The following CAMTA1 variants were observed in gnomAD, a reference collection of about 807,000 sequenced individuals.
CAMTA1 encodes calmodulin-binding transcription activator 1.
In CAMTA1, 27 loss-of-function variants were observed where a neutral mutation model predicts 170.9. That is an observed-to-expected ratio of 0.16 (90% confidence interval 0.12 to 0.22). CAMTA1 has a LOEUF of 0.22. Among genes scored for constraint, CAMTA1 ranks in the 10% least tolerant of loss-of-function variants. The pLI is 1.00. For missense variants in CAMTA1, 1,619 were observed against 2,217.2 expected (o/e 0.73, Z 5.42); for synonymous variants, 833 against 891.5 (o/e 0.93, Z 1.17).
At chr1:7,106,498 C>G (rs1247361007) in intron 4 of CAMTA1, among the ~76,000 whole-genome samples, 1 of 152,178 alleles carries the variant, frequency 6.6e-6, no homozygotes, top group East Asian at 1.9e-4. Flanking sequence ...TACCCAAGGT[C>G]ACTTCAGCTA....
chr1:7,305,662 G>A (rs1245005843), intron 5 of CAMTA1, among the ~76,000 whole-genome samples: 1 of 151,990 alleles, frequency 6.6e-6, no homozygotes, highest in Non-Finnish European at 1.5e-5. Flanking sequence ...ATAAGTTTGG[G>A]ATGATCATGA....
In CAMTA1 at chr1:7,619,564, A is replaced by G. The variant is rs575886310; in HGVS notation, c.511-20836A>G. On this transcript the variant is annotated intron_variant, in intron 6 of 22. Coordinates refer to ENST00000303635, the MANE Select transcript of CAMTA1 (RefSeq NM_015215.4). ...ACCCATTCCTAAATATTCCCTTATG[A>G]GGAAGATGGGAGAATAATTGGCCAA... Among the ~76,000 whole-genome samples, 5 of 152,306 alleles carry G rather than the reference A, an allele frequency of 3.3e-5. No individual in the cohort carries two copies. In the South Asian group the frequency reaches 1.0e-3, roughly 32 times the overall value.
chr1:7,386,097 G>A lies in CAMTA1; in HGVS notation c.439-81733G>A, dbSNP rs147898158. The stretch of plus-strand genomic sequence containing the variant: ...GAAGTCTGGCTTCACAGGGACCATT[G>A]TCAGGCAGAGACACATGCGCACAGC... On this transcript the variant is annotated intron_variant, in intron 5 of 22. Coordinates refer to ENST00000303635, the MANE Select transcript of CAMTA1 (RefSeq NM_015215.4). Among the ~76,000 whole-genome samples the A allele has an allele frequency of 3.7e-4, 57 of 152,326 alleles. No individual in the cohort carries two copies. The East Asian group carries it at 4.1e-3, about 11-fold the overall frequency.
Position 7,064,815 on chromosome 1 carries a change from T to G in CAMTA1, c.235-26489T>G, listed in dbSNP as rs972272913. On this transcript the variant is annotated intron_variant, in intron 3 of 22. Coordinates refer to ENST00000303635, the MANE Select transcript of CAMTA1 (RefSeq NM_015215.4). This position sits in a 1 kb window ranked among gnomAD's most constrained non-coding sequence, Gnocchi z 5.4. ...GAGGACAGAGGAGTCCATGGATGTATTCTGAGGTCCTGTTGGTCTAGGAGC... is the reference window on the plus strand; with the variant it reads ...GAGGACAGAGGAGTCCATGGATGTAGTCTGAGGTCCTGTTGGTCTAGGAGC... Among the ~76,000 whole-genome samples the G allele has an allele frequency of 6.6e-6, 1 of 152,006 alleles. No homozygotes were observed.
At chr1:7,250,946 C>T (rs1036651346) in intron 5 of CAMTA1, among the ~76,000 whole-genome samples, 2 of 152,198 alleles carry the variant, frequency 1.3e-5, no homozygotes, top group Non-Finnish European at 2.9e-5. Context: ...AGGCATTAGC[C>T]ATCATCGCAG....
intron 6 of CAMTA1, among the ~76,000 whole-genome samples, chr1:7,631,464 G>A (rs934219761): frequency 2.0e-5 from 3 of 152,202 alleles, no homozygotes; most frequent in Admixed American, 2.0e-4. Context: ...AATACCACTT[G>A]CACCTGTGGG....
rs141193119 is a variant in CAMTA1, at chr1:7,663,873, C to G, written c.1326C>G (p.Phe442Leu). 3.1e-6 allele frequency: 5 copies of G among 1,614,000 alleles called. No homozygotes were observed. In the East Asian group the frequency reaches 1.1e-4, roughly 36 times the overall value. The change falls in exon 9 of 23, where the codon TTC (phenylalanine) becomes TTG (leucine). Residue 442 changes from phenylalanine (F) to leucine (L), a missense_variant. By Grantham distance (22) the Phe-to-Leu change is conservative. Coordinates refer to ENST00000303635, the MANE Select transcript of CAMTA1 (RefSeq NM_015215.4). ...CCGTGAGCTCTGATGGCCACAAGTT[C>G]GCCTTTCCCACCACGGGCAGCTCGG... ...VLAVSSDGHK[F>L]AFPTTGSSES...
At position 7,738,058 on chromosome 1, in the gene CAMTA1, T is replaced by TC; in HGVS notation, c.3760dup (p.Gln1254ProfsTer25). 6.2e-7 allele frequency: 1 copy of TC among 1,614,162 alleles called. No homozygotes were observed. Among genetic ancestry groups the TC allele is most frequent in the Non-Finnish European group, 8.5e-7 (1 of 1,180,026 alleles). On this transcript the variant is annotated frameshift_variant, in exon 16 of 23. Coordinates refer to ENST00000303635, the MANE Select transcript of CAMTA1 (RefSeq NM_015215.4). LOFTEE classifies it high-confidence loss of function. The surrounding 1 kb of genome is among the most constrained non-coding windows in gnomAD (Gnocchi z 4.9). ...AAGCATAAATTGAACCCTGAGTACT[T>TC]CCAGACAAGGCAGGAGAAGCTGCTT...
chr1:7,648,798 C>G (rs768957844), intron 7 of CAMTA1, among the ~76,000 whole-genome samples: 10 of 152,228 alleles, frequency 6.6e-5, no homozygotes, highest in African/African-American at 1.2e-4. Context: ...CATTCTGACT[C>G]CCTGGGTCTG....
At chr1:7,338,564 A>G (rs1027047712) in intron 5 of CAMTA1, among the ~76,000 whole-genome samples, 11 of 152,222 alleles carry the variant, frequency 7.2e-5, no homozygotes, top group Non-Finnish European at 1.6e-4. Context: ...CAAGTGTTGG[A>G]GATAGTGAAC....
At chr1:7,386,247 G>A (rs113115576) in intron 5 of CAMTA1, among the ~76,000 whole-genome samples, 73 of 152,332 alleles carry the variant, frequency 4.8e-4, no homozygotes, top group Non-Finnish European at 6.9e-4. Flanking sequence ...AGTCAGCTTC[G>A]CAGGCCCAAG....
chr1:7,552,234 G>A (rs906358337), intron 6 of CAMTA1, among the ~76,000 whole-genome samples: 3 of 152,202 alleles, frequency 2.0e-5, no homozygotes, highest in South Asian at 4.1e-4. Context: ...GCAAGGGAAC[G>A]ATGCTTCTGC....
At chr1:6,961,620 G>C (rs552997067) in intron 3 of CAMTA1, among the ~76,000 whole-genome samples, 3 of 151,978 alleles carry the variant, frequency 2.0e-5, no homozygotes, top group African/African-American at 7.2e-5. Flanking sequence ...TGGGGCGGGT[G>C]GGGAGGGTGA....
intron 5 of CAMTA1, among the ~76,000 whole-genome samples, chr1:7,250,901 G>A (rs1397729565): frequency 1.3e-5 from 2 of 152,188 alleles, no homozygotes; most frequent in African/African-American, 4.8e-5. Context: ...ACTGCTCTGG[G>A]CGCACCTCTA....
At chr1:7,406,046 T>C (rs2090262872) in intron 5 of CAMTA1, among the ~76,000 whole-genome samples, 2 of 152,242 alleles carry the variant, frequency 1.3e-5, no homozygotes, top group Non-Finnish European at 2.9e-5. Context: ...AGAGGTTAAA[T>C]GGTGAGGAAC....
At chr1:7,501,618 G>GTTTT (rs56182115) in intron 6 of CAMTA1, among the ~76,000 whole-genome samples, 8,551 of 149,330 alleles carry the variant, frequency 0.057, 344 homozygotes, top group Non-Finnish European at 0.085. Flanking sequence ...ATAAACAACA[G>GTTTT]TTTTTTTTTT....
intron 22 of CAMTA1, among the ~76,000 whole-genome samples, chr1:7,759,463 T>C (rs1257221852): frequency 6.6e-6 from 1 of 152,196 alleles, no homozygotes; most frequent in Admixed American, 6.5e-5. Flanking sequence ...ATCCAGTAAC[T>C]TAAAGTGAAA....
chr1:7,724,598 T>C (rs12120887), intron 11 of CAMTA1, among the ~76,000 whole-genome samples: 57,642 of 151,730 alleles, frequency 0.38, 11,073 homozygotes, highest in South Asian at 0.48. Context: ...TTTGGGAGGC[T>C]GAGGTGGGCA....
Position 7,179,567 on chromosome 1 carries a change from G to A in CAMTA1, c.303-69924G>A, listed in dbSNP as rs1002050369. Among the ~76,000 whole-genome samples, 8 of 152,160 alleles carry A rather than the reference G, an allele frequency of 5.3e-5. No homozygotes were observed. The East Asian group carries it at 9.6e-4, about 18-fold the overall frequency. On this transcript the variant is annotated intron_variant, in intron 4 of 22. Coordinates refer to ENST00000303635, the MANE Select transcript of CAMTA1 (RefSeq NM_015215.4). The stretch of plus-strand genomic sequence containing the variant: ...ATTATAAACAATACTTTCTAACCAC[G>A]GTGCACTAAAACTGGACATTATTAA...
Sources: gnomAD v4.1 joint callset for allele counts (sites outside exome capture counted in the v4.1 genomes callset) on GRCh38, gnomAD v4.1.1 for gene constraint, Gnocchi (gnomAD v3.1) non-coding constraint, MANE v1.5 for transcripts, NCBI Gene and HGNC (gene_info 2026-07-23, HGNC 2026-07-21) for gene names.